Variants in KDM2A observed in about 807,000 individuals in gnomAD.
KDM2A encodes lysine demethylase 2A, also known as lysine-specific demethylase 2A.
In KDM2A, 3 loss-of-function variants were observed where a neutral mutation model predicts 137.3. The ratio of observed to expected loss-of-function variants is 0.02; its 90% CI spans 0.01 to 0.06. KDM2A has a LOEUF of 0.06. KDM2A is among the 10% of genes least tolerant of loss of function. KDM2A has a pLI of 1.00. For missense variants in KDM2A, 738 were observed against 1,510.6 expected (o/e 0.49, Z 8.48); for synonymous variants, 512 against 541.5 (o/e 0.95, Z 0.76).
rs773750696 is a variant in KDM2A at position 67,240,271 on chromosome 11, A to G, written c.1480-2738A>G. The G allele has an allele frequency of 9.8e-6, 15 of 1,535,536 alleles. No individual in the cohort carries two copies. In the East Asian group the frequency reaches 1.2e-4, roughly 13 times the overall value. On this transcript the variant is annotated intron_variant, in intron 12 of 20. Transcript: ENST00000529006. ...GGATTTTCCCAGAGGCAGAATATCTAACTCCTTCAGGAGAACTTCCAGTAC... is the reference window on the plus strand; with the variant it reads ...GGATTTTCCCAGAGGCAGAATATCTGACTCCTTCAGGAGAACTTCCAGTAC...
intron 16 of KDM2A, among the ~76,000 whole-genome samples, chr11:67,249,092 T>G (rs532165046): frequency 6.6e-6 from 1 of 152,328 alleles, no homozygotes; most frequent in East Asian, 1.9e-4. Flanking sequence ...TTTTCTTACT[T>G]TTTATTTCTT....
chr11:67,228,676 A>C (rs1858618393), intron 11 of KDM2A, among the ~76,000 whole-genome samples: 1 of 142,558 alleles, frequency 7.0e-6, no homozygotes, highest in African/African-American at 2.8e-5. Flanking sequence ...ACAGAGTGAA[A>C]CCCTGTTGCG....
chr11:67,201,833 T>G (rs1233922137), intron 5 of KDM2A, among the ~76,000 whole-genome samples: 2 of 143,514 alleles, frequency 1.4e-5, no homozygotes, highest in Admixed American at 1.4e-4. Flanking sequence ...TGTACACCTG[T>G]AGTCCCAACT....
intron 5 of KDM2A, among the ~76,000 whole-genome samples, chr11:67,193,008 G>A (rs1044365951): frequency 1.3e-5 from 2 of 151,992 alleles, no homozygotes; most frequent in Non-Finnish European, 2.9e-5. Context: ...TGGCTAGGGG[G>A]TATCAGAGTC....
At position 67,245,118 on chromosome 11, in the gene KDM2A, C is replaced by T; in HGVS notation, c.1564-71C>T. 2 of 1,541,864 alleles carry T rather than the reference C, an allele frequency of 1.3e-6. No individual in the cohort carries two copies. The highest frequency in any genetic ancestry group is 1.8e-6 in the Non-Finnish European group (2 of 1,135,576). On this transcript the variant is annotated intron_variant, in intron 13 of 20. Coordinates refer to ENST00000529006, the MANE Select transcript of KDM2A (RefSeq NM_012308.3). This position sits in a 1 kb window ranked among gnomAD's most constrained non-coding sequence, Gnocchi z 4.1. ...CCAAGCCCCAGGCTAGGTATGCTAC[C>T]ATGTAATCTTCTACCCTATCCAGTC... is the stretch of plus-strand genomic sequence containing the variant.
intron 10 of KDM2A, among the ~76,000 whole-genome samples, chr11:67,221,932 C>G (rs1858364962): frequency 6.8e-6 from 1 of 147,214 alleles, no homozygotes; most frequent in Admixed American, 6.8e-5. Context: ...GAGACACAGT[C>G]TGTTAATTTA....
At chr11:67,205,133 G>C (rs1857764241) in intron 5 of KDM2A, among the ~76,000 whole-genome samples, 1 of 151,980 alleles carries the variant, frequency 6.6e-6, no homozygotes, top group Non-Finnish European at 1.5e-5. Context: ...GATGTATGAG[G>C]GTTCCAATTT....
intron 6 of KDM2A, among the ~76,000 whole-genome samples, chr11:67,210,589 T>C (rs1857949678): frequency 6.6e-6 from 1 of 152,118 alleles, no homozygotes; most frequent in African/African-American, 2.4e-5. Flanking sequence ...GAGAAGAACC[T>C]ATGAGAGGGC....
chr11:67,190,754 CTT>C lies in KDM2A; in HGVS notation c.307+8864_307+8865del, dbSNP rs1025572806. Among the ~76,000 whole-genome samples the C allele has an allele frequency of 7.3e-5, 11 of 151,316 alleles. No homozygotes were observed. The East Asian group carries it at 1.9e-3, about 27-fold the overall frequency. ...CCAGCCTAGGCAACAGAGCGAGACTCTTTAAAAAAAAAAATACTACGAACAAT... is the reference window on the plus strand; with the variant it reads ...CCAGCCTAGGCAACAGAGCGAGACTCTAAAAAAAAAAATACTACGAACAAT... On this transcript the variant is annotated intron_variant, in intron 5 of 20. Transcript: ENST00000529006.
chr11:67,178,060 A>G (rs1857008682), intron 2 of KDM2A, among the ~76,000 whole-genome samples: 1 of 152,194 alleles, frequency 6.6e-6, no homozygotes, highest in Non-Finnish European at 1.5e-5. Context: ...AACATTTTGA[A>G]AGTGACTGCT....
intron 5 of KDM2A, among the ~76,000 whole-genome samples, chr11:67,192,239 G>A (rs570832260): frequency 6.6e-6 from 1 of 151,988 alleles, no homozygotes; most frequent in East Asian, 1.9e-4. Context: ...GGTTTTTAAT[G>A]CAGTCTGTAG....
At chr11:67,155,175 C>A (rs1392620523) in intron 2 of KDM2A, among the ~76,000 whole-genome samples, 1 of 151,922 alleles carries the variant, frequency 6.6e-6, no homozygotes, top group Non-Finnish European at 1.5e-5. Flanking sequence ...CCACCACACC[C>A]AGCTAATTTT....
intron 15 of KDM2A, among the ~76,000 whole-genome samples, chr11:67,247,553 G>A (rs1342590127): frequency 2.7e-5 from 4 of 149,250 alleles, no homozygotes; most frequent in Non-Finnish European, 5.9e-5. Flanking sequence ...TCAGCCTCCT[G>A]AGTAGCTGGG....
At chr11:67,207,287 T>A (rs1337683247) in intron 5 of KDM2A, among the ~76,000 whole-genome samples, 2 of 152,244 alleles carry the variant, frequency 1.3e-5, no homozygotes, top group Non-Finnish European at 2.9e-5. Flanking sequence ...AACAACTGAC[T>A]GTATAGTAAA....
chr11:67,142,844 TG>T (rs1410820176), intron 2 of KDM2A, among the ~76,000 whole-genome samples: 3 of 152,004 alleles, frequency 2.0e-5, no homozygotes, highest in African/African-American at 7.2e-5. Context: ...AAAGATTATA[TG>T]AAGTAAATAG....
intron 5 of KDM2A, among the ~76,000 whole-genome samples, chr11:67,187,820 C>T (rs1329791832): frequency 1.3e-5 from 2 of 152,140 alleles, no homozygotes; most frequent in South Asian, 2.1e-4. Flanking sequence ...GCGATCTGCC[C>T]ACCTGGGCCT....
intron 2 of KDM2A, among the ~76,000 whole-genome samples, chr11:67,159,940 T>C (rs939514976): frequency 2.6e-5 from 4 of 152,164 alleles, no homozygotes; most frequent in African/African-American, 9.7e-5. Context: ...TGGATAGTGG[T>C]ATTGATTGCA....
chr11:67,141,233 T>C (rs918623189), intron 2 of KDM2A, among the ~76,000 whole-genome samples: 1 of 152,110 alleles, frequency 6.6e-6, no homozygotes, highest in East Asian at 1.9e-4. Flanking sequence ...TTTTTCCATA[T>C]TGTTTTGGGG....
chr11:67,172,930 CAAAAA>C (rs1402196251), intron 2 of KDM2A, among the ~76,000 whole-genome samples: 2 of 151,434 alleles, frequency 1.3e-5, no homozygotes, highest in South Asian at 2.1e-4. Context: ...GACCACATCT[CAAAAA>C]AGAAAAGAAA....
Sources: gnomAD v4.1 joint callset for allele counts (sites outside exome capture counted in the v4.1 genomes callset) on GRCh38, gnomAD v4.1.1 for gene constraint, Gnocchi (gnomAD v3.1) non-coding constraint, MANE v1.5 for transcripts, NCBI Gene and HGNC (gene_info 2026-07-23, HGNC 2026-07-21) for gene names.